Variants in KANSL1L observed in about 807,000 individuals in gnomAD.
KANSL1L encodes KAT8 regulatory NSL complex subunit 1 like, also known as KAT8 regulatory NSL complex subunit 1-like protein.
A neutral mutation model predicts 108.6 loss-of-function variants in KANSL1L; 25 were observed. The observed-to-expected ratio is 0.23, with a 90% confidence interval of 0.17 to 0.32. The LOEUF (loss-of-function observed/expected upper bound fraction) is 0.32. Among genes scored for constraint, KANSL1L ranks in the 10% least tolerant of loss-of-function variants. The probability of loss-of-function intolerance (pLI) is 1.00; values close to 1 mark genes in which losing one functional copy is unlikely to be tolerated. For missense variants in KANSL1L, 1,137 were observed against 1,125.7 expected (o/e 1.01, Z -0.14); for synonymous variants, 405 against 395.1 (o/e 1.03, Z -0.30).
At chr2:210,071,990 T>C (rs930434494) in intron 6 of KANSL1L, among the ~76,000 whole-genome samples, 1 of 152,242 alleles carries the variant, frequency 6.6e-6, no homozygotes, top group African/African-American at 2.4e-5. Flanking sequence ...AGAATAAGGA[T>C]ATTTTCTTAC....
chr2:210,090,436 T>G (rs1365219995), intron 5 of KANSL1L, among the ~76,000 whole-genome samples: 1 of 152,222 alleles, frequency 6.6e-6, no homozygotes, highest in African/African-American at 2.4e-5. Context: ...TATAAATTTT[T>G]TGGAACAGAG....
chr2:210,092,970 A>G (rs548656721), intron 5 of KANSL1L, among the ~76,000 whole-genome samples: 15 of 152,270 alleles, frequency 9.9e-5, no homozygotes, highest in African/African-American at 3.6e-4. Context: ...CCCCAAGGCA[A>G]ATCTCCCTGT....
At chr2:210,083,139 C>G (rs1189914289) in intron 5 of KANSL1L, among the ~76,000 whole-genome samples, 1 of 152,028 alleles carries the variant, frequency 6.6e-6, no homozygotes, top group East Asian at 1.9e-4. Context: ...CAAGGAAAGT[C>G]AAGGAACTGC....
intron 5 of KANSL1L, among the ~76,000 whole-genome samples, chr2:210,076,365 T>C (rs1383959019): frequency 6.6e-6 from 1 of 152,094 alleles, no homozygotes; most frequent in Non-Finnish European, 1.5e-5. Flanking sequence ...TTTTCATATT[T>C]TAGTAGAGAT....
chr2:210,149,023 A>T (rs1177045638), intron 2 of KANSL1L, among the ~76,000 whole-genome samples: 1 of 152,174 alleles, frequency 6.6e-6, no homozygotes, highest in Non-Finnish European at 1.5e-5. Context: ...TATTTCATTT[A>T]TTCAGTCATT....
intron 8 of KANSL1L, among the ~76,000 whole-genome samples, chr2:210,033,344 G>C (rs1418336420): frequency 6.6e-6 from 1 of 152,190 alleles, no homozygotes; most frequent in Non-Finnish European, 1.5e-5. Flanking sequence ...AGAATTGTGA[G>C]AGGTGGATTT....
rs1176529587 is a variant in KANSL1L at position 210,022,474 on chromosome 2, TA to T, written c.*474del. ...CATTGCCAGTGTTTTAAAAACTACA[TA>T]GGGGTGTGTGTGTGTGTGTATGTTT... On this transcript the variant is annotated 3_prime_UTR_variant, in exon 15 of 15. Coordinates refer to ENST00000281772, the MANE Select transcript of KANSL1L (RefSeq NM_152519.4). The T allele has an allele frequency of 1.3e-5, 2 of 157,596 alleles. No homozygotes were observed. Among genetic ancestry groups the T allele is most frequent in the African/African-American group, 2.4e-5 (1 of 40,866 alleles). The allele number at this position is 157,596 out of a possible 1,614,324, so 9.8% of individuals were successfully genotyped here.
At position 210,044,004 on chromosome 2, in the gene KANSL1L, T is replaced by C. The variant is rs372751306; in HGVS notation, c.1856A>G (p.Tyr619Cys). ...CTCTGATACATGTTCTCTTAATAGG[T>C]AAGACTCCGAATTGTGTTCATAGCT... ...WSSYEHNSES[Y>C]LLREHVSELD... The change falls in exon 7 of 15, where the codon TAC (tyrosine) becomes TGC (cysteine). Residue 619 changes from tyrosine to cysteine, a missense_variant. Coordinates refer to ENST00000281772, the MANE Select transcript of KANSL1L (RefSeq NM_152519.4). This position sits in a 1 kb window ranked among gnomAD's most constrained non-coding sequence, Gnocchi z 4.2. 41 of 1,609,156 alleles carry C rather than the reference T, an allele frequency of 2.5e-5. No homozygotes were observed. The African/African-American group carries it at 4.7e-4, about 18-fold the overall frequency.
At chr2:210,045,344 C>G (rs185702680) in intron 6 of KANSL1L, among the ~76,000 whole-genome samples, 1 of 152,126 alleles carries the variant, frequency 6.6e-6, no homozygotes, top group Admixed American at 6.5e-5. Flanking sequence ...GCATCCTTAG[C>G]CAGCTGGCCT....
intron 12 of KANSL1L, 89 bp from the exon 13 acceptor site, chr2:210,025,305 C>T (rs2125114825): frequency 1.3e-6 from 1 of 760,094 alleles, no homozygotes. Flanking sequence ...GCCTGTAATC[C>T]CAACACTTTG....
intron 4 of KANSL1L, among the ~76,000 whole-genome samples, 189 bp from the exon 5 acceptor site, chr2:210,098,396 G>A (rs1395947702): frequency 6.6e-6 from 1 of 151,970 alleles, no homozygotes; most frequent in Non-Finnish European, 1.5e-5. Context: ...TATACTTTAA[G>A]TACCCATTCT....
chr2:210,108,220 A>G (rs1215919231), intron 3 of KANSL1L, among the ~76,000 whole-genome samples: 2 of 152,218 alleles, frequency 1.3e-5, no homozygotes, highest in African/African-American at 4.8e-5. Flanking sequence ...CTAAAATAAC[A>G]AAAACATTGT....
chr2:210,137,757 A>G (rs2095187555), intron 2 of KANSL1L, among the ~76,000 whole-genome samples: 1 of 152,160 alleles, frequency 6.6e-6, no homozygotes, highest in South Asian at 2.1e-4. Context: ...CTGGCCAGGC[A>G]CAGTGGCTCA....
chr2:210,104,168 G>A lies in KANSL1L; in HGVS notation c.1364C>T (p.Pro455Leu), dbSNP rs754982488. The A allele has an allele frequency of 6.2e-6, 10 of 1,613,874 alleles. No individual in the cohort carries two copies. In the East Asian group the frequency reaches 8.9e-5, roughly 14 times the overall value. Residue 455 changes from proline to leucine, a missense_variant, in exon 4 of 15, where the codon CCG becomes CTG. Transcript: ENST00000281772. ...TGGTGACATTTCAAAATCTTGTTCC[G>A]GTACAGGATCTTGACACTCCTGGGG... Reference protein sequence around the residue: ...QVPQECQDPVPEQDFEMSPSS... With the variant: ...QVPQECQDPVLEQDFEMSPSS...
chr2:210,162,564 T>G (rs893625198), intron 1 of KANSL1L, among the ~76,000 whole-genome samples: 3 of 152,056 alleles, frequency 2.0e-5, no homozygotes, highest in African/African-American at 7.2e-5. Flanking sequence ...AGAGAGATTA[T>G]TTTGCAGAGT....
At position 210,074,792 on chromosome 2, in the gene KANSL1L, G is replaced by A. The variant is rs547657701; in HGVS notation, c.1755+760C>T. 1.4e-4 allele frequency among the ~76,000 whole-genome samples: 21 copies of A among 152,188 alleles called. No individual in the cohort carries two copies. In the South Asian group the frequency reaches 2.3e-3, roughly 17 times the overall value. ...TAATAAACATATTTAAATAGATAAC[G>A]TAATGATAATCAGAAACAATATTAA... On this transcript the variant is annotated intron_variant, in intron 6 of 14. Coordinates refer to ENST00000281772, the MANE Select transcript of KANSL1L (RefSeq NM_152519.4).
rs905707746 is a variant in KANSL1L at position 210,153,340 on chromosome 2, C to G, written c.1088+155G>C. The G allele has an allele frequency of 1.6e-5, 10 of 615,872 alleles. 1 individual carries two copies. In the Middle Eastern group the frequency reaches 1.3e-3, roughly 82 times the overall value. 38.2% of individuals were successfully genotyped at this position (615,872 alleles called of 1,614,324 possible). A position where few individuals can be genotyped will look rare whatever the true frequency, so the allele number is the denominator to read the frequency against. ...CTACACTCCAGCCTGGGCGACAGAG[C>G]GAGACTCTGTCTCAAAAATAAAAAT... is the stretch of plus-strand genomic sequence containing the variant. On this transcript the variant is annotated intron_variant, in intron 2 of 14. Coordinates refer to ENST00000281772, the MANE Select transcript of KANSL1L (RefSeq NM_152519.4).
At chr2:210,077,400 A>G (rs1411063270) in intron 5 of KANSL1L, among the ~76,000 whole-genome samples, 1 of 152,178 alleles carries the variant, frequency 6.6e-6, no homozygotes, top group Non-Finnish European at 1.5e-5. Context: ...AACAGGTCCA[A>G]TCTCACAGCT....
rs114887147 is a variant in KANSL1L at position 210,097,300 on chromosome 2, T to C, written c.1550+786A>G. On this transcript the variant is annotated intron_variant, in intron 5 of 14. Coordinates refer to ENST00000281772, the MANE Select transcript of KANSL1L (RefSeq NM_152519.4). ...TGCTATAAATTTTCATTTTATGCTA[T>C]ATTAGAAAGTTATTAAAATAATAAA... The C allele has an allele frequency of 3.8e-3, 2,983 of 784,886 alleles. 86 individuals carry two copies. The African/African-American group carries it at 0.053, about 14-fold the overall frequency. The allele number at this position is 784,886 out of a possible 1,614,324, so 48.6% of individuals were successfully genotyped here.
Sources: gnomAD v4.1 joint callset for allele counts (sites outside exome capture counted in the v4.1 genomes callset) on GRCh38, gnomAD v4.1.1 for gene constraint, Gnocchi (gnomAD v3.1) non-coding constraint, MANE v1.5 for transcripts, NCBI Gene and HGNC (gene_info 2026-07-23, HGNC 2026-07-21) for gene names.